AP3B1: variants seen among roughly 807,000 people sequenced by gnomAD.
The protein encoded by AP3B1 is AP-3 complex subunit beta-1.
A neutral mutation model predicts 132.5 loss-of-function variants in AP3B1; 61 were observed. The observed-to-expected ratio is 0.46, with a 90% CI of 0.37 to 0.57. AP3B1 has a LOEUF of 0.57. Among genes scored for constraint, AP3B1 ranks in the 20% least tolerant of loss-of-function variants. AP3B1 has a pLI of 0.00. For missense variants in AP3B1, 1,120 were observed against 1,289.4 expected, an observed-to-expected ratio of 0.87 and a Z score of 2.01; for synonymous variants, 388 against 438.3, an observed-to-expected ratio of 0.89 and a Z score of 1.43.
intron 1 of AP3B1, 147 bp from the exon 2 acceptor site, chr5:78,267,742 G>A: frequency 1.9e-6 from 1 of 532,346 alleles, no homozygotes; most frequent in Non-Finnish European, 3.3e-6. Context: ...AGGCCAGAGA[G>A]AAAGGCCTCA....
At chr5:78,030,844 C>T (rs570570899) in intron 24 of AP3B1, among the ~76,000 whole-genome samples, 1 of 151,984 alleles carries the variant, frequency 6.6e-6, no homozygotes, top group African/African-American at 2.4e-5. Context: ...ACCTGGCTAA[C>T]CCTTTTTGAT....
chr5:78,122,969 A>G (rs1752290377), intron 17 of AP3B1, among the ~76,000 whole-genome samples: 1 of 152,234 alleles, frequency 6.6e-6, no homozygotes, highest in South Asian at 2.1e-4. Flanking sequence ...ACAGTAACCA[A>G]AACAGCATGG....
At chr5:78,083,005 C>A (rs1032172711) in intron 22 of AP3B1, among the ~76,000 whole-genome samples, 4 of 151,982 alleles carry the variant, frequency 2.6e-5, no homozygotes, top group African/African-American at 9.7e-5. Flanking sequence ...TTAGTAGAAA[C>A]GGGGTTTCAC....
At chr5:78,048,083 G>C (rs1748418039) in intron 22 of AP3B1, among the ~76,000 whole-genome samples, 1 of 152,194 alleles carries the variant, frequency 6.6e-6, no homozygotes, top group Non-Finnish European at 1.5e-5. Context: ...GTGCCATACA[G>C]GCTAGTGGCT....
rs575641129 is a variant in AP3B1, at chr5:78,143,424, T to C, written c.1474-2105A>G. Among the ~76,000 whole-genome samples, 122 of 142,984 alleles carry C rather than the reference T, an allele frequency of 8.5e-4. 1 individual carries two copies. Among genetic ancestry groups the C allele is most frequent in the Middle Eastern group, 6.9e-3 (2 of 288 alleles). 93.8% of individuals were successfully genotyped at this position (142,984 alleles called of 152,430 possible). The stretch of plus-strand genomic sequence containing the variant: ...TTGTAGTTTTCTAGAACTGAGCTAA[T>C]AAAATCCCCAAGAATTTTTAAAACT... On this transcript the variant is annotated intron_variant, in intron 14 of 26. Transcript: ENST00000255194.
intron 22 of AP3B1, among the ~76,000 whole-genome samples, chr5:78,076,403 G>A (rs113416030): frequency 5.3e-5 from 8 of 152,272 alleles, no homozygotes; most frequent in Middle Eastern, 6.8e-3. Flanking sequence ...AAGAGGCTTA[G>A]GACTTTCTCT....
intron 1 of AP3B1, among the ~76,000 whole-genome samples, chr5:78,284,974 C>T (rs1446148666): frequency 2.0e-5 from 3 of 152,148 alleles, no homozygotes; most frequent in African/African-American, 7.2e-5. Flanking sequence ...TGGCCAGGCG[C>T]GGTGGCCCAC....
chr5:78,159,846 G>A (rs534117132), intron 13 of AP3B1, among the ~76,000 whole-genome samples: 1 of 152,176 alleles, frequency 6.6e-6, no homozygotes, highest in African/African-American at 2.4e-5. Context: ...CAGCACTTTG[G>A]TGCTACTCTA....
At chr5:78,210,408 AAAACTT>A (rs1745686049) in intron 7 of AP3B1, among the ~76,000 whole-genome samples, 1 of 152,172 alleles carries the variant, frequency 6.6e-6, no homozygotes, top group Non-Finnish European at 1.5e-5. Flanking sequence ...CTACCACTGA[AAAACTT>A]AAGAACTTAC....
intron 18 of AP3B1, 125 bp from the exon 19 acceptor site, chr5:78,114,048 T>C (rs975233594): frequency 2.8e-6 from 3 of 1,057,042 alleles, no homozygotes; most frequent in Non-Finnish European, 4.1e-6. Context: ...GGACACCACT[T>C]GTTTAACATT....
chr5:78,067,952 C>CG (rs1554062185), intron 22 of AP3B1, among the ~76,000 whole-genome samples: 1 of 126,524 alleles, frequency 7.9e-6, no homozygotes. Context: ...AAAAACCCTT[C>CG]GAAAAAAAAA....
chr5:78,233,700 T>C (rs1398395899), intron 3 of AP3B1, among the ~76,000 whole-genome samples: 1 of 152,212 alleles, frequency 6.6e-6, no homozygotes, highest in African/African-American at 2.4e-5. Flanking sequence ...TACATCTACA[T>C]TATATTACTC....
chr5:78,197,468 AAAG>A lies in AP3B1; in HGVS notation c.787-15809_787-15807del, dbSNP rs962687692. 3.9e-5 allele frequency among the ~76,000 whole-genome samples: 6 copies of A among 152,304 alleles called. No individual in the cohort carries two copies. In the East Asian group the frequency reaches 1.2e-3, roughly 29 times the overall value. ...GTACTATTCCACAGGCTCATGGAAT[AAAG>A]AAAAGTGTGAAATTATACTTAAGTA... On this transcript the variant is annotated intron_variant, in intron 7 of 26. Transcript: ENST00000255194.
chr5:78,123,772 T>C (rs1218753652), intron 17 of AP3B1, among the ~76,000 whole-genome samples: 3 of 151,642 alleles, frequency 2.0e-5, no homozygotes, highest in East Asian at 1.9e-4. Flanking sequence ...AGTTCAACCA[T>C]TGTGGAAGTC....
intron 22 of AP3B1, among the ~76,000 whole-genome samples, chr5:78,081,759 C>T (rs886996315): frequency 1.5e-4 from 23 of 152,002 alleles, no homozygotes; most frequent in Non-Finnish European, 2.9e-4. Context: ...TAGTTTTTTC[C>T]TTAACTCGGT....
At chr5:78,242,898 T>C (rs1454688946) in intron 2 of AP3B1, among the ~76,000 whole-genome samples, 1 of 152,332 alleles carries the variant, frequency 6.6e-6, no homozygotes, top group Middle Eastern at 3.4e-3. Flanking sequence ...TAGGGTAATT[T>C]GGGGAAAAGG....
At chr5:78,202,302 C>CACAATACTACA (rs1745324904) in intron 7 of AP3B1, among the ~76,000 whole-genome samples, 1 of 152,164 alleles carries the variant, frequency 6.6e-6, no homozygotes, top group Admixed American at 6.5e-5. Flanking sequence ...TGAAAATGGA[C>CACAATACTACA]TAATACACAA....
chr5:78,221,466 G>C (rs964722347), intron 6 of AP3B1, among the ~76,000 whole-genome samples: 5 of 151,844 alleles, frequency 3.3e-5, no homozygotes, highest in African/African-American at 1.2e-4. Context: ...ATTTTTTAAA[G>C]TTATAAATTA....
At chr5:78,186,238 A>G (rs1256845696) in intron 7 of AP3B1, among the ~76,000 whole-genome samples, 1 of 152,248 alleles carries the variant, frequency 6.6e-6, no homozygotes, top group African/African-American at 2.4e-5. Flanking sequence ...GGAAAGCACA[A>G]TAACTATATT....
Sources: allele counts gnomAD v4.1 joint callset (sites outside exome capture counted in the v4.1 genomes callset), GRCh38; gene constraint gnomAD v4.1.1; transcripts MANE v1.5; gene names NCBI Gene and HGNC (gene_info 2026-07-23, HGNC 2026-07-21).